Variants in TCF12 observed in about 807,000 individuals in gnomAD.
TCF12 encodes the protein transcription factor 12, also known as DNA-binding protein HTF4.
A neutral mutation model predicts 86.0 loss-of-function variants in TCF12; 45 were observed. That is an observed-to-expected ratio of 0.52 (90% CI 0.41 to 0.67). The LOEUF (loss-of-function observed/expected upper bound fraction) is 0.67, where lower values mean the gene tolerates loss of function less well. Among genes scored for constraint, TCF12 ranks in the 30% least tolerant of loss-of-function variants. The pLI is 0.00. For synonymous variants in TCF12, 330 were observed against 299.6 expected, an observed-to-expected ratio of 1.10 and a Z score of -1.05; for missense variants, 881 against 859.9, an observed-to-expected ratio of 1.02 and a Z score of -0.31.
At chr15:56,986,264 C>G (rs529378647) in intron 3 of TCF12, among the ~76,000 whole-genome samples, 1 of 152,226 alleles carries the variant, frequency 6.6e-6, no homozygotes, top group South Asian at 2.1e-4. Flanking sequence ...GCTTACGTTT[C>G]TGGTTTTTGG....
rs1004676176 is a variant in TCF12, at chr15:57,090,776, T to G, written c.223-1013T>G. On this transcript the variant is annotated intron_variant, in intron 4 of 20. Transcript: ENST00000333725. Reference sequence around the variant, plus strand: ...TTCTCTTACTTGGGCTTCGTATACGTTTTTCCGGTCTTTACCATGTTGGTT... The same window carrying G: ...TTCTCTTACTTGGGCTTCGTATACGGTTTTCCGGTCTTTACCATGTTGGTT... Among the ~76,000 whole-genome samples the G allele has an allele frequency of 4.4e-4, 67 of 152,170 alleles. 1 individual carries two copies. The highest frequency in any genetic ancestry group is 2.6e-3 in the Admixed American group (39 of 15,248).
chr15:57,109,394 G>T (rs2050339678), intron 5 of TCF12: 1 of 152,134 alleles, frequency 6.6e-6, no homozygotes, highest in African/African-American at 2.4e-5. Flanking sequence ...TTTCCCATAA[G>T]GCAGTTAGAA....
chr15:57,247,291 GCCA>G, intron 13 of TCF12: 2 of 656,322 alleles, frequency 3.0e-6, no homozygotes, highest in Non-Finnish European at 5.6e-6. Context: ...TACCTCTGCT[GCCA>G]CCACCTTCAC....
At chr15:57,105,710 C>G (rs1231076404) in intron 5 of TCF12, among the ~76,000 whole-genome samples, 1 of 152,178 alleles carries the variant, frequency 6.6e-6, no homozygotes, top group Non-Finnish European at 1.5e-5. Context: ...CCACGCCCAA[C>G]CATGAAAAGT....
chr15:57,241,866 G>T (rs557418361), intron 12 of TCF12, among the ~76,000 whole-genome samples: 1 of 152,010 alleles, frequency 6.6e-6, no homozygotes, highest in East Asian at 1.9e-4. Flanking sequence ...GGTGGCACGC[G>T]GCTGTAGTGC....
chr15:56,979,607 TAAAG>T (rs2062787400), intron 3 of TCF12, among the ~76,000 whole-genome samples: 1 of 152,154 alleles, frequency 6.6e-6, no homozygotes, highest in African/African-American at 2.4e-5. Flanking sequence ...ATATAATAGT[TAAAG>T]AAATACAGTA....
Position 57,111,932 on chromosome 15 carries a change from G to C in TCF12, c.325+20041G>C, listed in dbSNP as rs189355230. Among the ~76,000 whole-genome samples, 49 of 152,216 alleles carry C rather than the reference G, an allele frequency of 3.2e-4. 1 individual carries two copies. Among genetic ancestry groups the C allele is most frequent in the Admixed American group, 1.3e-3 (20 of 15,290 alleles). On this transcript the variant is annotated intron_variant, in intron 5 of 20. Coordinates refer to ENST00000333725, the MANE Select transcript of TCF12 (RefSeq NM_207037.2). ...CAGTTTGTAAGTGGAAGAGGAGAAA[G>C]TGCAGAGTTATCCAAAAGTGCCATA... is the stretch of plus-strand genomic sequence containing the variant.
chr15:57,040,590 TA>T (rs1303500343), intron 3 of TCF12, among the ~76,000 whole-genome samples: 3 of 152,208 alleles, frequency 2.0e-5, no homozygotes, highest in African/African-American at 7.2e-5. Context: ...TTTAGGCTGG[TA>T]TTCAGTAGGA....
chr15:57,243,480 T>C lies in TCF12; in HGVS notation c.1044T>C (p.Ser348=), dbSNP rs753516415. The C allele has an allele frequency of 1.2e-6, 2 of 1,613,706 alleles. No individual in the cohort carries two copies. Among genetic ancestry groups the C allele is most frequent in the Non-Finnish European group, 8.5e-7 (1 of 1,179,792 alleles). The change falls in exon 13 of 21, where the codon TCT becomes TCC. Residue 348 remains serine, a synonymous_variant. Transcript: ENST00000333725. ...ALGKALASIY[S]PDHTSSSFPS... is the part of the protein sequence containing the mutation. ...TCTTGTTTTCTGGTTAGATTTATTC[T>C]CCTGACCATACCAGCAGTAGTTTTC...
At position 57,046,523 on chromosome 15, in the gene TCF12, A is replaced by G. The variant is rs111402427; in HGVS notation, c.149-17227A>G. On this transcript the variant is annotated intron_variant, in intron 3 of 20. Transcript: ENST00000333725. The stretch of plus-strand genomic sequence containing the variant: ...AGTGGTATGATCTCCGCTCACTGCA[A>G]CCTCTGCCTCCCAGGTTCAAGCTGT... Among the ~76,000 whole-genome samples the G allele has an allele frequency of 1.2e-4, 18 of 152,120 alleles. 4 individuals carry two copies. Among genetic ancestry groups the G allele is most frequent in the African/African-American group, 4.3e-4 (18 of 41,486 alleles).
rs531093446 is a variant in TCF12, at chr15:57,108,332, C to T, written c.325+16441C>T. 6.6e-5 allele frequency among the ~76,000 whole-genome samples: 10 copies of T among 151,944 alleles called. No homozygotes were observed. In the South Asian group the frequency reaches 1.3e-3, roughly 19 times the overall value. On this transcript the variant is annotated intron_variant, in intron 5 of 20. Coordinates refer to ENST00000333725, the MANE Select transcript of TCF12 (RefSeq NM_207037.2). The stretch of plus-strand genomic sequence containing the variant: ...CCTATCACCTTTCTTCTCCCCGTAC[C>T]CCCAACCCTAGAGGCAAGATAGAAA...
At chr15:57,154,168 G>A (rs1445943363) in intron 5 of TCF12, among the ~76,000 whole-genome samples, 3 of 152,136 alleles carry the variant, frequency 2.0e-5, no homozygotes, top group Admixed American at 6.5e-5. Context: ...GAGGAAGCAA[G>A]CATTTGGCTT....
chr15:57,224,666 C>T (rs529452546), intron 8 of TCF12, among the ~76,000 whole-genome samples: 1 of 152,232 alleles, frequency 6.6e-6, no homozygotes, highest in South Asian at 2.1e-4. Flanking sequence ...AAACATGTCT[C>T]TGGAAGTTTT....
intron 12 of TCF12, among the ~76,000 whole-genome samples, chr15:57,238,036 C>G (rs1362897438): frequency 6.6e-6 from 1 of 152,144 alleles, no homozygotes; most frequent in African/African-American, 2.4e-5. Flanking sequence ...GATAACAATT[C>G]TGTCTGTCAT....
intron 3 of TCF12, among the ~76,000 whole-genome samples, chr15:57,012,301 A>G (rs2064879168): frequency 6.6e-6 from 1 of 152,220 alleles, no homozygotes; most frequent in African/African-American, 2.4e-5. Context: ...GGTAATAGAT[A>G]TATACACTGA....
At chr15:57,075,408 C>T (rs2069799970) in intron 4 of TCF12, among the ~76,000 whole-genome samples, 1 of 152,072 alleles carries the variant, frequency 6.6e-6, no homozygotes, top group South Asian at 2.1e-4. Flanking sequence ...TCCTTTCATT[C>T]ATGAAGCTTT....
At chr15:57,234,556 T>TC (rs1211961407) in intron 12 of TCF12, among the ~76,000 whole-genome samples, 2 of 152,090 alleles carry the variant, frequency 1.3e-5, no homozygotes, top group African/African-American at 4.8e-5. Context: ...GAGAGCCTTC[T>TC]CCCCAAAAAA....
chr15:57,173,601 ATTATAAC>A (rs1262939641), intron 6 of TCF12, among the ~76,000 whole-genome samples: 4 of 152,160 alleles, frequency 2.6e-5, no homozygotes, highest in African/African-American at 9.7e-5. Context: ...TATAATAAAT[ATTATAAC>A]TTAGTAAATT....
chr15:57,043,066 C>G (rs1349592029), intron 3 of TCF12, among the ~76,000 whole-genome samples: 1 of 152,158 alleles, frequency 6.6e-6, no homozygotes, highest in Non-Finnish European at 1.5e-5. Context: ...CATGTTATCA[C>G]AAGTGATAGA....
Sources: allele counts gnomAD v4.1 joint callset (sites outside exome capture counted in the v4.1 genomes callset), GRCh38; gene constraint gnomAD v4.1.1; transcripts MANE v1.5; gene names NCBI Gene and HGNC (gene_info 2026-07-23, HGNC 2026-07-21).